WDR62: variants seen among roughly 807,000 people sequenced by gnomAD.
WDR62 encodes the protein WD repeat-containing protein 62.
In WDR62, 112 loss-of-function variants were observed where a neutral mutation model predicts 160.6. The observed-to-expected ratio is 0.70, with a 90% CI of 0.60 to 0.82. The LOEUF (loss-of-function observed/expected upper bound fraction) is 0.82, where lower values mean the gene tolerates loss of function less well. Among genes scored for constraint, WDR62 ranks in the 40% least tolerant of loss-of-function variants. The probability of loss-of-function intolerance (pLI) is 0.00; values close to 1 mark genes in which losing one functional copy is unlikely to be tolerated. For missense variants in WDR62, 1,819 were observed against 1,983.8 expected, an observed-to-expected ratio of 0.92 and a Z score of 1.58; for synonymous variants, 792 against 815.1, an observed-to-expected ratio of 0.97 and a Z score of 0.48.
At position 36,068,327 on chromosome 19, in the gene WDR62, A is replaced by T. The variant is rs577653156; in HGVS notation, c.882+317A>T. Among the ~76,000 whole-genome samples, 17 of 151,674 alleles carry T rather than the reference A, an allele frequency of 1.1e-4. No individual in the cohort carries two copies. In the East Asian group the frequency reaches 3.1e-3, roughly 28 times the overall value. Reference sequence around the variant, plus strand: ...TTCACATTTCTTTTCTCCTTTGAGCACTCTGGCTGGTAGAGGATTGCATTT... The same window carrying T: ...TTCACATTTCTTTTCTCCTTTGAGCTCTCTGGCTGGTAGAGGATTGCATTT... On this transcript the variant is annotated intron_variant, in intron 7 of 31. Transcript: ENST00000401500.
downstream of WDR62, among the ~76,000 whole-genome samples, chr19:36,106,067 C>T (rs62111361): frequency 0.096 from 14,641 of 152,288 alleles, 775 homozygotes; most frequent in Middle Eastern, 0.24. Flanking sequence ...ACTGTATGAT[C>T]CTGGCAGCAG....
chr19:36,057,210 G>A (rs1370468323), intron 1 of WDR62, among the ~76,000 whole-genome samples: 1 of 152,146 alleles, frequency 6.6e-6, no homozygotes, highest in African/African-American at 2.4e-5. Context: ...GATTCAATGA[G>A]GTTACATATC....
chr19:36,088,810 G>A (rs2145764180), intron 13 of WDR62, among the ~76,000 whole-genome samples: 1 of 152,268 alleles, frequency 6.6e-6, no homozygotes, highest in East Asian at 1.9e-4. Context: ...TTCTCTATAT[G>A]CCCTTGCTCT....
Position 36,065,987 on chromosome 19 carries a change from CT to C in WDR62, c.363del (p.Asp122MetfsTer5), listed in dbSNP as rs587776901. ...RKSLSALAFSPDGKYIVTGEN... is the reference protein window; with the variant it reads ...RKSLSALAFSXDGKYIVTGEN... ...TCTCTCAGTGCTCTGGCCTTCTCCC[CT>C]GATGGGAAGTACATAGTGACAGGGG... On this transcript the variant is annotated frameshift_variant, in exon 4 of 32. Coordinates refer to ENST00000401500, the MANE Select transcript of WDR62 (RefSeq NM_001083961.2). LOFTEE classifies it high-confidence loss of function. The C allele has an allele frequency of 1.2e-6, 2 of 1,614,208 alleles. No individual in the cohort carries two copies. The highest frequency in any genetic ancestry group is 3.3e-5 in the Admixed American group (2 of 60,024).
At chr19:36,067,017 G>C (rs1893380212) in intron 5 of WDR62, among the ~76,000 whole-genome samples, 2 of 152,228 alleles carry the variant, frequency 1.3e-5, no homozygotes, top group Non-Finnish European at 2.9e-5. Context: ...TTACATCCCA[G>C]CCGTGACTGT....
intron 21 of WDR62, among the ~76,000 whole-genome samples, chr19:36,098,263 T>TAAA (rs570573692): frequency 7.1e-6 from 1 of 140,592 alleles, no homozygotes; most frequent in Non-Finnish European, 1.5e-5. Context: ...CCTTGTCTCT[T>TAAA]AAAAAAAAAA....
rs148312358 is a variant in WDR62, at chr19:36,104,859, C to T, written c.4403C>T (p.Ala1468Val). The stretch of plus-strand genomic sequence containing the variant: ...CTGTGGATCCACAGCCAGCTGGAGG[C>T]TGAATGCCTGGTGGGGACTAGTGTG... Reference protein sequence around the residue: ...TFLWIHSQLEAECLVGTSVAP... With the variant: ...TFLWIHSQLEVECLVGTSVAP... Residue 1468 changes from alanine to valine, a missense_variant, in exon 32 of 32, where the codon GCT (alanine) becomes GTT (valine). Around this residue, in one of 3 missense-constraint regions of WDR62, gnomAD observed 770 missense variants for 734.2 expected, o/e 1.05. Coordinates refer to ENST00000401500, the MANE Select transcript of WDR62 (RefSeq NM_001083961.2). The T allele has an allele frequency of 1.9e-6, 3 of 1,613,242 alleles. No homozygotes were observed. The highest frequency in any genetic ancestry group is 1.7e-6 in the Non-Finnish European group (2 of 1,180,000).
chr19:36,057,774 A>C (rs1478390143), intron 1 of WDR62, among the ~76,000 whole-genome samples: 1 of 152,056 alleles, frequency 6.6e-6, no homozygotes, highest in Non-Finnish European at 1.5e-5. Context: ...GCCTTGTTTA[A>C]ATTTTAAATA....
chr19:36,098,047 AAGCCACG>A (rs1973082397), intron 21 of WDR62, among the ~76,000 whole-genome samples: 2 of 152,044 alleles, frequency 1.3e-5, no homozygotes, highest in Non-Finnish European at 2.9e-5. Flanking sequence ...ATACGTGTAA[AAGCCACG>A]AGGCCAGGAG....
At chr19:36,055,844 A>G (rs951558651) in intron 1 of WDR62, among the ~76,000 whole-genome samples, 8 of 152,188 alleles carry the variant, frequency 5.3e-5, no homozygotes, top group African/African-American at 1.9e-4. Flanking sequence ...TGTAGGCACA[A>G]AATCTGTTTT....
intron 2 of WDR62, chr19:36,059,095 G>T (rs765007618): frequency 1.8e-5 from 12 of 682,652 alleles, no homozygotes; most frequent in African/African-American, 1.1e-4. Context: ...ATGACTACAG[G>T]GGGGAGGTGA....
intron 22 of WDR62, 112 bp from the exon 23 acceptor site, chr19:36,100,636 A>G: frequency 6.6e-7 from 1 of 1,520,446 alleles, no homozygotes; most frequent in Non-Finnish European, 9.0e-7. Flanking sequence ...AGGGCATGGC[A>G]CAGGCCCTGG....
At position 36,071,281 on chromosome 19, in the gene WDR62, A is replaced by G. The variant is rs1971282935; in HGVS notation, c.883-275A>G. ...TACCTGAAGTTGCAGTCTGCTGAACAGGTATTTTCCATACACAGCTACGTT... is the reference window on the plus strand; with the variant it reads ...TACCTGAAGTTGCAGTCTGCTGAACGGGTATTTTCCATACACAGCTACGTT... On this transcript the variant is annotated intron_variant, in intron 7 of 31. Coordinates refer to ENST00000401500, the MANE Select transcript of WDR62 (RefSeq NM_001083961.2). Among the ~76,000 whole-genome samples the G allele has an allele frequency of 1.3e-5, 2 of 152,202 alleles. 1 individual carries two copies. Among genetic ancestry groups the G allele is most frequent in the South Asian group, 4.1e-4 (2 of 4,836 alleles).
chr19:36,104,424 G>A lies in WDR62; in HGVS notation c.4154-94G>A, dbSNP rs531937891. ...CTTGGGGACCCAGAGAAGTGTTCCA[G>A]ACAGAAGTACAGCATGGAGTCCACC... On this transcript the variant is annotated intron_variant, in intron 30 of 31. Coordinates refer to ENST00000401500, the MANE Select transcript of WDR62 (RefSeq NM_001083961.2). 7.6e-5 allele frequency: 116 copies of A among 1,517,272 alleles called. 1 individual carries two copies. In the African/African-American group the frequency reaches 1.4e-3, roughly 19 times the overall value. 94.0% of individuals were successfully genotyped at this position (1,517,272 alleles called of 1,614,324 possible). A position where few individuals can be genotyped will look rare whatever the true frequency, so the allele number is the denominator to read the frequency against.
downstream of WDR62, among the ~76,000 whole-genome samples, chr19:36,107,450 G>T (rs1399299124): frequency 2.0e-5 from 3 of 152,082 alleles, no homozygotes; most frequent in Non-Finnish European, 4.4e-5. Context: ...AGAGGAAGAG[G>T]CCAGGTGCAC....
At chr19:36,091,788 G>T (rs1972626484) in intron 18 of WDR62, among the ~76,000 whole-genome samples, 1 of 151,778 alleles carries the variant, frequency 6.6e-6, no homozygotes, top group South Asian at 2.1e-4. Context: ...ACTCAGGAGG[G>T]GGAAGATGGC....
intron 3 of WDR62, 43 bp downstream of exon 3, chr19:36,060,073 C>T: frequency 6.3e-7 from 1 of 1,587,850 alleles, no homozygotes. Flanking sequence ...GAACCAGGGG[C>T]TTGGCACGCC....
chr19:36,079,941 C>T (rs1013139675), intron 9 of WDR62, among the ~76,000 whole-genome samples: 7 of 151,980 alleles, frequency 4.6e-5, no homozygotes, highest in African/African-American at 7.3e-5. Flanking sequence ...AAATTAATGC[C>T]GCTACTATCA....
At position 36,091,122 on chromosome 19, in the gene WDR62, G is replaced by A. The variant is rs376486877; in HGVS notation, c.2035-78G>A. 46 of 1,257,330 alleles carry A rather than the reference G, an allele frequency of 3.7e-5. No homozygotes were observed. The African/African-American group carries it at 4.4e-4, about 12-fold the overall frequency. The allele number at this position is 1,257,330 out of a possible 1,614,324, so 77.9% of individuals were successfully genotyped here. ...GTCCCATGTGCTGTGCATGCAGCAC[G>A]GGGGAGGGAGGGGCCCAGGCCTCAT... On this transcript the variant is annotated intron_variant, in intron 16 of 31. Transcript: ENST00000401500.
Sources: gnomAD v4.1 joint callset for allele counts (sites outside exome capture counted in the v4.1 genomes callset) on GRCh38, gnomAD v4.1.1 for gene constraint, gnomAD v4.1.1 regional missense constraint, MANE v1.5 for transcripts, NCBI Gene and HGNC (gene_info 2026-07-23, HGNC 2026-07-21) for gene names.